The following DISC1 variants were observed in gnomAD, a reference collection of about 807,000 sequenced individuals.
DISC1 encodes the protein disrupted in schizophrenia 1 protein.
Under a neutral mutation model 84.5 loss-of-function variants are expected in DISC1, and 57 were observed. The ratio of observed to expected loss-of-function variants is 0.67; its 90% CI spans 0.55 to 0.84. The LOEUF is 0.84. Ranked by LOEUF, DISC1 falls within the 40% of genes least tolerant of loss-of-function variation. The probability of loss-of-function intolerance (pLI) is 0.00; values close to 1 mark genes in which losing one functional copy is unlikely to be tolerated. For synonymous variants in DISC1, 411 were observed against 415.2 expected, an observed-to-expected ratio of 0.99 and a Z score of 0.12; for missense variants, 1,000 against 1,057.8, an observed-to-expected ratio of 0.95 and a Z score of 0.76.
At chr1:231,818,253 G>C (rs939269958) in intron 8 of DISC1, 76 bp from the exon 9 acceptor site, 19 of 1,436,060 alleles carry the variant, frequency 1.3e-5, no homozygotes, top group Non-Finnish European at 1.8e-5. Flanking sequence ...ATGTACATTA[G>C]CTGCTGCTAG....
chr1:231,997,863 G>T lies in DISC1; in HGVS notation c.2043-10922G>T, dbSNP rs1231616028. Among the ~76,000 whole-genome samples the T allele has an allele frequency of 3.9e-5, 6 of 152,112 alleles. No individual in the cohort carries two copies. In the East Asian group the frequency reaches 1.2e-3, roughly 29 times the overall value. On this transcript the variant is annotated intron_variant, in intron 10 of 12. Transcript: ENST00000439617. ...CAAGACCAGCCTAAGTAGTAAATAT[G>T]CCTAAGGAAATAAGAACTCATTTGG...
intron 9 of DISC1, among the ~76,000 whole-genome samples, chr1:231,904,361 C>G (rs1393907144): frequency 6.6e-6 from 1 of 152,044 alleles, no homozygotes; most frequent in Non-Finnish European, 1.5e-5. Flanking sequence ...GCAATTTAGT[C>G]CTAAATATAT....
At chr1:232,032,481 A>G (rs765508346) in intron 12 of DISC1, among the ~76,000 whole-genome samples, 2 of 152,194 alleles carry the variant, frequency 1.3e-5, no homozygotes, top group Non-Finnish European at 2.9e-5. Context: ...TTACATGCTT[A>G]CCTACCATGT....
chr1:232,037,077 T>C lies in DISC1; in HGVS notation c.*246T>C, dbSNP rs1670576595. On this transcript the variant is annotated 3_prime_UTR_variant, in exon 13 of 13. Coordinates refer to ENST00000439617, the MANE Select transcript of DISC1 (RefSeq NM_018662.3). ...CTAAATGTCACTCAAAAATTTCTTT[T>C]CCATGTCATTCTTGGGAATGTCTTC... 1 of 312,584 alleles carries C rather than the reference T, an allele frequency of 3.2e-6. No homozygotes were observed. Among genetic ancestry groups the C allele is most frequent in the Admixed American group, 5.1e-5 (1 of 19,798 alleles). The allele number at this position is 312,584 out of a possible 1,614,324, so 19.4% of individuals were successfully genotyped here.
intron 8 of DISC1, among the ~76,000 whole-genome samples, chr1:231,803,758 C>T (rs569839901): frequency 6.6e-6 from 1 of 152,092 alleles, no homozygotes; most frequent in South Asian, 2.1e-4. Context: ...ACCATCCTGG[C>T]TAACATGGTG....
At chr1:231,930,309 G>C (rs821576) in intron 9 of DISC1, among the ~76,000 whole-genome samples, 5,911 of 152,208 alleles carry the variant, frequency 0.039, 398 homozygotes, top group African/African-American at 0.14. Context: ...CGATGCAGTG[G>C]GAGGGTCGAT....
chr1:231,646,754 A>C (rs1347077980), intron 1 of DISC1, among the ~76,000 whole-genome samples: 1 of 152,160 alleles, frequency 6.6e-6, no homozygotes, highest in Non-Finnish European at 1.5e-5. Context: ...TCACCATTCT[A>C]ACTGATGTGA....
intron 3 of DISC1, among the ~76,000 whole-genome samples, chr1:231,714,240 T>A (rs994554603): frequency 2.6e-5 from 4 of 152,162 alleles, no homozygotes; most frequent in African/African-American, 9.7e-5. Flanking sequence ...CCTTGAAACA[T>A]GTAAATAGAG....
intron 3 of DISC1, among the ~76,000 whole-genome samples, chr1:231,733,938 G>A (rs1324023602): frequency 1.3e-5 from 2 of 151,598 alleles, no homozygotes; most frequent in African/African-American, 2.4e-5. Flanking sequence ...ATTGGTGGTG[G>A]TGATGGCTGA....
chr1:231,646,970 G>A (rs2060189968), intron 1 of DISC1, among the ~76,000 whole-genome samples: 2 of 152,096 alleles, frequency 1.3e-5, no homozygotes, highest in South Asian at 4.1e-4. Flanking sequence ...TTAGCCCTTT[G>A]TCAGATGGGT....
At chr1:232,011,899 A>C (rs1375747987) in intron 11 of DISC1, among the ~76,000 whole-genome samples, 1 of 152,234 alleles carries the variant, frequency 6.6e-6, no homozygotes, top group African/African-American at 2.4e-5. Context: ...ACAAGGCTTG[A>C]GTCTGAGTCT....
At chr1:231,941,038 C>T (rs1558759821) in intron 9 of DISC1, 2 of 152,258 alleles carry the variant, frequency 1.3e-5, no homozygotes, top group African/African-American at 2.4e-5. Flanking sequence ...CACCTCCTCT[C>T]ATAGGCATGC....
intron 10 of DISC1, among the ~76,000 whole-genome samples, chr1:231,979,685 G>GAT (rs772792994): frequency 4.0e-4 from 60 of 150,478 alleles, no homozygotes; most frequent in South Asian, 1.3e-3. Flanking sequence ...ATAGTATACT[G>GAT]ATATATATAT....
At chr1:231,841,591 A>G (rs567160825) in intron 9 of DISC1, among the ~76,000 whole-genome samples, 2 of 152,204 alleles carry the variant, frequency 1.3e-5, no homozygotes, top group South Asian at 4.1e-4. Flanking sequence ...CCTACTGAAT[A>G]TTTTCTGACC....
intron 9 of DISC1, among the ~76,000 whole-genome samples, chr1:231,847,925 A>G (rs2083579528): frequency 6.6e-6 from 1 of 152,232 alleles, no homozygotes; most frequent in South Asian, 2.1e-4. Flanking sequence ...ATATTTGCCA[A>G]GTGAATGAAT....
Position 232,039,151 on chromosome 1 carries a change from A to G in DISC1, c.*2320A>G, listed in dbSNP as rs1381673825. Reference sequence around the variant, plus strand: ...AATTATTTATAATTGTGTCTAAAGAAAATTATGAACTGGTCACATGGCACT... The same window carrying G: ...AATTATTTATAATTGTGTCTAAAGAGAATTATGAACTGGTCACATGGCACT... On this transcript the variant is annotated 3_prime_UTR_variant, in exon 13 of 13. Transcript: ENST00000439617. 3 of 152,220 alleles carry G rather than the reference A, an allele frequency of 2.0e-5. No individual in the cohort carries two copies. Among genetic ancestry groups the G allele is most frequent in the Non-Finnish European group, 4.4e-5 (3 of 68,036 alleles). 9.4% of individuals were successfully genotyped at this position (152,220 alleles called of 1,614,324 possible).
rs144472799 is a variant in DISC1, at chr1:231,724,515, C to T, written c.1117+22491C>T. Among the ~76,000 whole-genome samples the T allele has an allele frequency of 6.7e-4, 102 of 152,288 alleles. 1 individual carries two copies. Among genetic ancestry groups the T allele is most frequent in the African/African-American group, 2.4e-3 (100 of 41,564 alleles). On this transcript the variant is annotated intron_variant, in intron 3 of 12. Coordinates refer to ENST00000439617, the MANE Select transcript of DISC1 (RefSeq NM_018662.3). ...GGAGAGGGAACCAGCGTACAATAAC[C>T]GCTGTGCTGCAGGAGAGGGGAGGTA...
intron 1 of DISC1, among the ~76,000 whole-genome samples, chr1:231,633,932 G>T (rs543825743): frequency 2.6e-4 from 37 of 141,296 alleles, no homozygotes; most frequent in African/African-American, 8.8e-4. Context: ...AGCCCAGGCT[G>T]GAGTGCAGTG....
At chr1:231,809,893 A>G (rs1403732445) in intron 8 of DISC1, among the ~76,000 whole-genome samples, 2 of 152,262 alleles carry the variant, frequency 1.3e-5, no homozygotes, top group East Asian at 3.8e-4. Flanking sequence ...TTTAAAGGAA[A>G]TTAAATTGAC....
Sources: gnomAD v4.1 joint callset for allele counts (sites outside exome capture counted in the v4.1 genomes callset) on GRCh38, gnomAD v4.1.1 for gene constraint, MANE v1.5 for transcripts, NCBI Gene and HGNC (gene_info 2026-07-23, HGNC 2026-07-21) for gene names.